The following KIF1A variants were observed in gnomAD, a reference collection of about 807,000 sequenced individuals.
The protein encoded by KIF1A is kinesin family member 1A.
KIF1A carries 46 observed loss-of-function variants against 227.3 expected under a neutral mutation model. The ratio of observed to expected loss-of-function variants is 0.20; its 90% CI spans 0.16 to 0.26. The LOEUF (loss-of-function observed/expected upper bound fraction) is 0.26. Ranked by LOEUF, KIF1A falls within the 10% of genes least tolerant of loss-of-function variation. The pLI is 1.00. For synonymous variants in KIF1A, 1,022 were observed against 1,012.8 expected, an observed-to-expected ratio of 1.01 and a Z score of -0.17; for missense variants, 1,683 against 2,485.9, an observed-to-expected ratio of 0.68 and a Z score of 6.87.
At chr2:240,763,531 C>T (rs1164914257) in intron 20 of KIF1A, among the ~76,000 whole-genome samples, 185 bp from the exon 21 acceptor site, 1 of 152,204 alleles carries the variant, frequency 6.6e-6, no homozygotes, top group African/African-American at 2.4e-5. Context: ...CCCATAAATC[C>T]ACCCTTGGCC....
intron 15 of KIF1A, among the ~76,000 whole-genome samples, chr2:240,770,590 T>G (rs142895229): frequency 1.1e-3 from 165 of 152,316 alleles, no homozygotes; most frequent in African/African-American, 3.2e-3. Context: ...ACTCACACAA[T>G]TAAAGACTCG....
At chr2:240,782,994 C>T in intron 9 of KIF1A, 50 bp downstream of exon 9, 1 of 1,469,332 alleles carries the variant, frequency 6.8e-7, no homozygotes, top group African/African-American at 1.4e-5. Flanking sequence ...GGATGGGGCG[C>T]CAAAGACCCT....
chr2:240,817,763 C>T (rs1262900346), intron 1 of KIF1A, among the ~76,000 whole-genome samples: 4 of 152,006 alleles, frequency 2.6e-5, no homozygotes, highest in Non-Finnish European at 5.9e-5. Context: ...TCCTCCAGGG[C>T]CTCCTCCTCC....
chr2:240,732,868 G>T (rs1414954974), intron 38 of KIF1A, among the ~76,000 whole-genome samples: 1 of 132,362 alleles, frequency 7.6e-6, no homozygotes, highest in African/African-American at 2.9e-5. Flanking sequence ...TATGAGGAAG[G>T]GATGAGGGAG....
At position 240,787,405 on chromosome 2, in the gene KIF1A, A is replaced by G. The variant is rs2055080298; in HGVS notation, c.364-89T>C. On this transcript the variant is annotated intron_variant, in intron 4 of 48. Coordinates refer to ENST00000498729, the MANE Select transcript of KIF1A (RefSeq NM_001244008.2). ...TGCGATACTGTGGGCAGCCTGTGCC[A>G]GGCGGGATCCACCCTCTCAGGCCCC... 1.9e-5 allele frequency: 22 copies of G among 1,161,642 alleles called. No individual in the cohort carries two copies. In the South Asian group the frequency reaches 2.3e-4, roughly 12 times the overall value. 72.0% of individuals were successfully genotyped at this position (1,161,642 alleles called of 1,614,324 possible). A position where few individuals can be genotyped will look rare whatever the true frequency, so the allele number is the denominator to read the frequency against.
Position 240,797,686 on chromosome 2 carries a change from C to G in KIF1A, c.67G>C (p.Asp23His), listed in dbSNP as rs939378194. The G allele has an allele frequency of 3.7e-6, 6 of 1,612,912 alleles. No homozygotes were observed. Among genetic ancestry groups the G allele is most frequent in the African/African-American group, 1.3e-5 (1 of 74,920 alleles). Reference sequence around the variant, plus strand: ...GACATCTGAATGATGCACTTGGAGTCACGGCTCATTTCCCGGGAATTGAAG... The same window carrying G: ...GACATCTGAATGATGCACTTGGAGTGACGGCTCATTTCCCGGGAATTGAAG... ...RPFNSREMSR[D>H]SKCIIQMSGS... Residue 23 changes from aspartate (D) to histidine (H), a missense_variant, in exon 2 of 49, where the codon GAC (aspartate) becomes CAC (histidine). Physicochemically the swap from Asp to His is moderately conservative, Grantham distance 81. This residue lies in a region of KIF1A where 71 missense variants were observed against 129.1 expected (regional missense o/e 0.55). Transcript: ENST00000498729.
In KIF1A at chr2:240,737,555, GA is replaced by G. The variant is rs1364773962; in HGVS notation, c.3902-388del. 8.5e-5 allele frequency: 13 copies of G among 152,132 alleles called. 1 individual carries two copies. The highest frequency in any genetic ancestry group is 2.9e-4 in the African/African-American group (12 of 41,004). The allele number at this position is 152,132 out of a possible 1,614,324, so 9.4% of individuals were successfully genotyped here. A position where few individuals can be genotyped will look rare whatever the true frequency, so the allele number is the denominator to read the frequency against. ...AAGTCATGATAATAACAAGGAAAGG[GA>G]GGGAGGGAGGGAGGGAGGAAGGGAG... is the stretch of plus-strand genomic sequence containing the variant. On this transcript the variant is annotated intron_variant, in intron 37 of 48. Transcript: ENST00000498729.
intron 15 of KIF1A, among the ~76,000 whole-genome samples, 155 bp from the exon 16 acceptor site, chr2:240,769,861 C>T (rs1029099053): frequency 2.6e-5 from 4 of 152,196 alleles, no homozygotes; most frequent in African/African-American, 9.7e-5. Context: ...CAAGGTAAAG[C>T]TCAGAGAATG....
chr2:240,723,814 C>T (rs1215499980), intron 41 of KIF1A, among the ~76,000 whole-genome samples, 161 bp downstream of exon 41: 4 of 152,228 alleles, frequency 2.6e-5, no homozygotes, highest in African/African-American at 4.8e-5. Context: ...TCTCCTCCCT[C>T]GCTCTCCTCC....
intron 1 of KIF1A, among the ~76,000 whole-genome samples, chr2:240,816,535 C>T (rs374833289): frequency 4.6e-5 from 7 of 152,098 alleles, no homozygotes; most frequent in African/African-American, 7.2e-5. Context: ...TACCCCAAGG[C>T]GTCCTGAAAT....
At position 240,774,215 on chromosome 2, in the gene KIF1A, G is replaced by A. The variant is rs1471754317; in HGVS notation, c.1005C>T (p.Asp335=). 63 of 1,608,264 alleles carry A rather than the reference G, an allele frequency of 3.9e-5. No homozygotes were observed. The highest frequency in any genetic ancestry group is 5.4e-5 in the Non-Finnish European group (63 of 1,176,168). ...TAMVAALSPA[D]INYDETLSTL... The stretch of plus-strand genomic sequence containing the variant: ...TGCTAAGGGTCTCATCGTAGTTGAT[G>A]TCTGCAGGACTCAAGGCTGCCACCA... The change falls in exon 12 of 49, where the codon GAC becomes GAT. Residue 335 remains aspartate (D), a synonymous_variant. Transcript: ENST00000498729.
At chr2:240,802,890 A>G (rs1273381707) in intron 1 of KIF1A, among the ~76,000 whole-genome samples, 1 of 152,186 alleles carries the variant, frequency 6.6e-6, no homozygotes, top group Non-Finnish European at 1.5e-5. Context: ...TCAGCTCCCC[A>G]AAGTGCTGGG....
Position 240,726,964 on chromosome 2 carries a change from A to G in KIF1A, c.4008-24T>C. On this transcript the variant is annotated intron_variant, in intron 38 of 48. Coordinates refer to ENST00000498729, the MANE Select transcript of KIF1A (RefSeq NM_001244008.2). This position sits in a 1 kb window ranked among gnomAD's most constrained non-coding sequence, Gnocchi z 5.2. ...TCCTGAAAGGAAGCAGAGACAAAGT[A>G]GAAGTTGATGGCGTGGGGGCTGCTT... is the stretch of plus-strand genomic sequence containing the variant. 6.9e-7 allele frequency: 1 copy of G among 1,452,392 alleles called. No homozygotes were observed. The highest frequency in any genetic ancestry group is 9.6e-7 in the Non-Finnish European group (1 of 1,045,296). 90.0% of individuals were successfully genotyped at this position (1,452,392 alleles called of 1,614,324 possible). A position where few individuals can be genotyped will look rare whatever the true frequency, so the allele number is the denominator to read the frequency against.
intron 1 of KIF1A, among the ~76,000 whole-genome samples, chr2:240,814,647 CTGGGCGCGG>C (rs1303597581): frequency 6.6e-6 from 1 of 152,184 alleles, no homozygotes; most frequent in Non-Finnish European, 1.5e-5. Context: ...AATAAAAAGG[CTGGGCGCGG>C]TGGCTCATAC....
intron 1 of KIF1A, among the ~76,000 whole-genome samples, chr2:240,810,966 A>G: frequency 6.6e-6 from 1 of 152,210 alleles, no homozygotes; most frequent in East Asian, 1.9e-4. Context: ...AGCAGGTTGG[A>G]AATGCCTTAT....
intron 1 of KIF1A, among the ~76,000 whole-genome samples, chr2:240,799,130 G>A (rs868773596): frequency 2.1e-4 from 32 of 152,224 alleles, no homozygotes; most frequent in African/African-American, 7.5e-4. Flanking sequence ...GAAGCTCCAG[G>A]ATCAAGAGCA....
chr2:240,722,155 G>A (rs973098429), intron 43 of KIF1A, among the ~76,000 whole-genome samples: 1 of 152,198 alleles, frequency 6.6e-6, no homozygotes, highest in African/African-American at 2.4e-5. Context: ...CTTCCCAGAG[G>A]CCCGTTCAGC....
At chr2:240,773,603 ACAT>A (rs2052310013) in intron 12 of KIF1A, among the ~76,000 whole-genome samples, 1 of 152,178 alleles carries the variant, frequency 6.6e-6, no homozygotes, top group Admixed American at 6.5e-5. Context: ...AAATGTGAGC[ACAT>A]CTATGTGTGC....
intron 7 of KIF1A, among the ~76,000 whole-genome samples, chr2:240,784,418 C>T (rs562259477): frequency 1.7e-4 from 26 of 152,302 alleles, no homozygotes; most frequent in Admixed American, 1.1e-3. Flanking sequence ...GCAGCCGCGC[C>T]GACCTCGTCC....
Sources: gnomAD v4.1 joint callset for allele counts (sites outside exome capture counted in the v4.1 genomes callset) on GRCh38, gnomAD v4.1.1 for gene constraint, gnomAD v4.1.1 regional missense constraint, Gnocchi (gnomAD v3.1) non-coding constraint, MANE v1.5 for transcripts, NCBI Gene and HGNC (gene_info 2026-07-23, HGNC 2026-07-21) for gene names.